Variants in CDH20 observed in about 807,000 individuals in gnomAD.
CDH20 encodes the protein cadherin 20, also known as cadherin-20.
In CDH20, 29 loss-of-function variants were observed where a neutral mutation model predicts 74.2. The observed-to-expected ratio is 0.39, with a 90% confidence interval of 0.29 to 0.53. The LOEUF is 0.53. Among genes scored for constraint, CDH20 ranks in the 20% least tolerant of loss-of-function variants. The probability of loss-of-function intolerance (pLI) is 0.69; values close to 1 mark genes in which losing one functional copy is unlikely to be tolerated. For missense variants in CDH20, 988 were observed against 1,048.3 expected, an observed-to-expected ratio of 0.94 and a Z score of 0.79; for synonymous variants, 469 against 405.4, an observed-to-expected ratio of 1.16 and a Z score of -1.88.
intron 7 of CDH20, among the ~76,000 whole-genome samples, chr18:61,534,278 G>A (rs565001964): frequency 7.9e-5 from 12 of 152,324 alleles, no homozygotes; most frequent in South Asian, 4.1e-4. Flanking sequence ...CTTGCACACC[G>A]TTGATGAGAA....
chr18:61,528,446 G>GACACACATAC (rs370479851), intron 7 of CDH20, among the ~76,000 whole-genome samples: 20,016 of 97,474 alleles, frequency 0.21, 1,643 homozygotes, highest in South Asian at 0.3. Context: ...AATTGGTTGA[G>GACACACATAC]ACACACACAC....
At chr18:61,480,355 C>A (rs1382304208) in intron 1 of CDH20, among the ~76,000 whole-genome samples, 2 of 152,188 alleles carry the variant, frequency 1.3e-5, no homozygotes, top group Non-Finnish European at 2.9e-5. Context: ...ATGCCTGTGA[C>A]ACAGCCTCAG....
intron 1 of CDH20, among the ~76,000 whole-genome samples, chr18:61,406,706 G>A (rs1481863628): frequency 2.0e-5 from 3 of 152,210 alleles, no homozygotes; most frequent in Non-Finnish European, 4.4e-5. Context: ...GAGATTGAAA[G>A]GAGCTACTTA....
At chr18:61,552,893 G>A (rs1045669429) in intron 11 of CDH20, among the ~76,000 whole-genome samples, 1 of 152,118 alleles carries the variant, frequency 6.6e-6, no homozygotes, top group African/African-American at 2.4e-5. Flanking sequence ...TTTCAGGCTC[G>A]ATTCAAGCCC....
intron 1 of CDH20, among the ~76,000 whole-genome samples, chr18:61,352,506 A>G (rs1910339199): frequency 6.6e-6 from 1 of 152,184 alleles, no homozygotes; most frequent in Non-Finnish European, 1.5e-5. Context: ...GTTGTAAATG[A>G]CATTTGTTGT....
At chr18:61,488,748 C>A (rs1910856274) in intron 1 of CDH20, among the ~76,000 whole-genome samples, 1 of 151,850 alleles carries the variant, frequency 6.6e-6, no homozygotes, top group African/African-American at 2.4e-5. Flanking sequence ...TTGGCAATGC[C>A]CTTTAGTCTG....
intron 1 of CDH20, among the ~76,000 whole-genome samples, chr18:61,413,548 T>G (rs1912582754): frequency 6.6e-6 from 1 of 152,138 alleles, no homozygotes; most frequent in Non-Finnish European, 1.5e-5. Flanking sequence ...TCTTTCTGAA[T>G]GGGTCTTTTA....
intron 2 of CDH20, among the ~76,000 whole-genome samples, chr18:61,492,922 T>C (rs1203200182): frequency 6.6e-6 from 1 of 152,228 alleles, no homozygotes; most frequent in Non-Finnish European, 1.5e-5. Context: ...AATGAATGTC[T>C]CACTGTGGAG....
chr18:61,527,366 AATAGATAGATAGATAGATAGATAG>A lies in CDH20; in HGVS notation c.1018-575_1018-552del, dbSNP rs10585438. Among the ~76,000 whole-genome samples, 479 of 142,148 alleles carry A rather than the reference AATAGATAGATAGATAGATAGATAG, an allele frequency of 3.4e-3. 5 individuals carry two copies. The highest frequency in any genetic ancestry group is 0.012 in the African/African-American group (456 of 38,898). The allele number at this position is 142,148 out of a possible 152,430, so 93.3% of individuals were successfully genotyped here. On this transcript the variant is annotated intron_variant, in intron 6 of 11. Coordinates refer to ENST00000262717, the MANE Select transcript of CDH20 (RefSeq NM_031891.4). ...TAGGCCTCAGTTGCATGAATATTCT[AATAGATAGATAGATAGATAGATAG>A]ATAGATAGATAGATAGATAGATAGA...
intron 1 of CDH20, among the ~76,000 whole-genome samples, chr18:61,337,533 A>G (rs539212086): frequency 3.3e-5 from 5 of 152,362 alleles, no homozygotes; most frequent in Middle Eastern, 3.4e-3. Flanking sequence ...AAATTGCTAC[A>G]GTGATTAATC....
At chr18:61,362,963 G>A (rs1028337945) in intron 1 of CDH20, among the ~76,000 whole-genome samples, 1 of 152,056 alleles carries the variant, frequency 6.6e-6, no homozygotes, top group Non-Finnish European at 1.5e-5. Context: ...AGAAGATAAA[G>A]CCTGTGAGTC....
chr18:61,523,463 T>C (rs1202537723), intron 6 of CDH20, among the ~76,000 whole-genome samples: 2 of 152,174 alleles, frequency 1.3e-5, no homozygotes, highest in Non-Finnish European at 2.9e-5. Context: ...TTTTTTACAC[T>C]GTTGGTGGGA....
intron 1 of CDH20, among the ~76,000 whole-genome samples, chr18:61,352,995 A>G (rs944890626): frequency 2.6e-5 from 4 of 152,192 alleles, no homozygotes; most frequent in Non-Finnish European, 4.4e-5. Context: ...ATAGCTCTTC[A>G]AACATATAAA....
At chr18:61,542,194 C>T (rs1477458845) in intron 9 of CDH20, among the ~76,000 whole-genome samples, 1 of 152,136 alleles carries the variant, frequency 6.6e-6, no homozygotes, top group African/African-American at 2.4e-5. Context: ...TGAAAAGTGC[C>T]GGCTCTGTCT....
intron 1 of CDH20, among the ~76,000 whole-genome samples, chr18:61,480,847 T>G (rs555378359): frequency 6.6e-6 from 1 of 152,354 alleles, no homozygotes; most frequent in South Asian, 2.1e-4. Flanking sequence ...AAGGATTATG[T>G]TGTCTGCTCA....
At chr18:61,435,261 G>T (rs190637558) in intron 1 of CDH20, among the ~76,000 whole-genome samples, 1 of 152,070 alleles carries the variant, frequency 6.6e-6, no homozygotes, top group Non-Finnish European at 1.5e-5. Flanking sequence ...ACAAAATACT[G>T]CCTCTAGTGG....
chr18:61,390,362 T>G (rs1345641530), intron 1 of CDH20, among the ~76,000 whole-genome samples: 1 of 152,200 alleles, frequency 6.6e-6, no homozygotes, highest in Non-Finnish European at 1.5e-5. Flanking sequence ...TTAAATTACT[T>G]CAGCCACTAT....
At chr18:61,341,535 G>T (rs1909951041) in intron 1 of CDH20, among the ~76,000 whole-genome samples, 1 of 152,088 alleles carries the variant, frequency 6.6e-6, no homozygotes, top group African/African-American at 2.4e-5. Context: ...TCTAATGCAA[G>T]AAACAATACA....
intron 6 of CDH20, among the ~76,000 whole-genome samples, chr18:61,513,111 T>A (rs1265607479): frequency 6.7e-6 from 1 of 149,792 alleles, no homozygotes; most frequent in Non-Finnish European, 1.5e-5. Flanking sequence ...GGTGTTAAAG[T>A]CTCCCATTAT....
Sources: allele counts gnomAD v4.1 joint callset (sites outside exome capture counted in the v4.1 genomes callset), GRCh38; gene constraint gnomAD v4.1.1; transcripts MANE v1.5; gene names NCBI Gene and HGNC (gene_info 2026-07-23, HGNC 2026-07-21).